Variants in SLC9A9 observed in about 807,000 individuals in gnomAD.
The protein encoded by SLC9A9 is sodium/hydrogen exchanger 9.
In SLC9A9, 62 loss-of-function variants were observed where a neutral mutation model predicts 77.8. The ratio of observed to expected loss-of-function variants is 0.80; its 90% CI spans 0.65 to 0.98. The LOEUF (loss-of-function observed/expected upper bound fraction) is 0.98. Among genes scored for constraint, SLC9A9 ranks in the 50% least tolerant of loss-of-function variants. The pLI, the probability that SLC9A9 is intolerant of heterozygous loss-of-function variation, is 0.00. For synonymous variants in SLC9A9, 320 were observed against 283.5 expected (o/e 1.13, Z -1.29); for missense variants, 775 against 774.9 (o/e 1.00, Z 0.00).
chr3:143,842,841 C>A (rs547164203), intron 1 of SLC9A9, among the ~76,000 whole-genome samples: 2 of 152,152 alleles, frequency 1.3e-5, no homozygotes, highest in Admixed American at 1.3e-4. Flanking sequence ...TCATTATAGG[C>A]TGCCATGTTC....
At chr3:143,684,375 C>T (rs1476482733) in intron 5 of SLC9A9, among the ~76,000 whole-genome samples, 2 of 151,978 alleles carry the variant, frequency 1.3e-5, no homozygotes, top group Admixed American at 6.6e-5. Context: ...TTTTTAAAAT[C>T]TGAACTTGAT....
chr3:143,498,703 A>G (rs372624402), intron 9 of SLC9A9, among the ~76,000 whole-genome samples: 2 of 152,198 alleles, frequency 1.3e-5, no homozygotes, highest in African/African-American at 4.8e-5. Flanking sequence ...ACAGCATCCC[A>G]GAATCACTCT....
At chr3:143,620,831 G>C (rs1269682480) in intron 6 of SLC9A9, among the ~76,000 whole-genome samples, 1 of 152,192 alleles carries the variant, frequency 6.6e-6, no homozygotes, top group South Asian at 2.1e-4. Context: ...GTCTCACCCA[G>C]GAAGTACAAG....
intron 2 of SLC9A9, among the ~76,000 whole-genome samples, chr3:143,803,255 C>T (rs1487404826): frequency 6.6e-6 from 1 of 152,214 alleles, no homozygotes; most frequent in African/African-American, 2.4e-5. Flanking sequence ...CCCTTAAACT[C>T]ACTTGCATTT....
intron 9 of SLC9A9, among the ~76,000 whole-genome samples, chr3:143,499,601 T>C (rs1055164135): frequency 1.5e-4 from 23 of 152,138 alleles, no homozygotes. Flanking sequence ...TTTCCAGTCA[T>C]CATACATTTT....
At chr3:143,845,060 C>G (rs552687702) in intron 1 of SLC9A9, among the ~76,000 whole-genome samples, 6 of 151,998 alleles carry the variant, frequency 3.9e-5, no homozygotes, top group African/African-American at 1.4e-4. Context: ...TATGAGGATG[C>G]ATCTAGATCC....
intron 4 of SLC9A9, among the ~76,000 whole-genome samples, chr3:143,730,233 C>T (rs2108809366): frequency 1.3e-5 from 2 of 152,232 alleles, no homozygotes; most frequent in South Asian, 4.2e-4. Flanking sequence ...GGGACTTTGG[C>T]ACGACTGTGA....
chr3:143,498,603 A>T (rs915623689), intron 9 of SLC9A9, among the ~76,000 whole-genome samples: 1 of 152,172 alleles, frequency 6.6e-6, no homozygotes, highest in Admixed American at 6.5e-5. Flanking sequence ...AAGGAAAGAA[A>T]AAAAAGAAAG....
chr3:143,802,230 G>C (rs11924528), intron 2 of SLC9A9, among the ~76,000 whole-genome samples: 24,833 of 152,092 alleles, frequency 0.16, 2,152 homozygotes, highest in South Asian at 0.29. Context: ...CCATTCTATT[G>C]TGTCATCATT....
chr3:143,712,640 C>G (rs1934229186), intron 4 of SLC9A9, among the ~76,000 whole-genome samples: 1 of 142,316 alleles, frequency 7.0e-6, no homozygotes, highest in Admixed American at 6.7e-5. Flanking sequence ...ACCAGATAAT[C>G]ACTACTGAAT....
intron 9 of SLC9A9, among the ~76,000 whole-genome samples, chr3:143,538,343 C>T (rs897539805): frequency 3.3e-5 from 5 of 152,096 alleles, no homozygotes; most frequent in Non-Finnish European, 7.4e-5. Context: ...AAAACCCAAA[C>T]AATAAATCAG....
chr3:143,663,774 G>A (rs1178951286), intron 5 of SLC9A9, among the ~76,000 whole-genome samples: 2 of 152,112 alleles, frequency 1.3e-5, no homozygotes, highest in African/African-American at 4.8e-5. Flanking sequence ...AGAAAAAAGA[G>A]TAAAAAGAAA....
At chr3:143,448,390 A>T (rs1446194833) in intron 12 of SLC9A9, among the ~76,000 whole-genome samples, 1 of 152,154 alleles carries the variant, frequency 6.6e-6, no homozygotes, top group Non-Finnish European at 1.5e-5. Context: ...AAGACAAGAA[A>T]ATTAACACAA....
chr3:143,316,577 T>C (rs1222262765), intron 14 of SLC9A9, among the ~76,000 whole-genome samples: 2 of 152,198 alleles, frequency 1.3e-5, no homozygotes, highest in African/African-American at 4.8e-5. Flanking sequence ...AGGTTGGCAC[T>C]GACAATGATG....
chr3:143,835,249 A>G (rs1019359013), intron 1 of SLC9A9, among the ~76,000 whole-genome samples: 1 of 152,216 alleles, frequency 6.6e-6, no homozygotes, highest in Non-Finnish European at 1.5e-5. Context: ...TCTTTCTAGC[A>G]TCTGCTTCTT....
At chr3:143,350,920 G>T (rs114650988) in intron 14 of SLC9A9, among the ~76,000 whole-genome samples, 1 of 152,054 alleles carries the variant, frequency 6.6e-6, no homozygotes, top group African/African-American at 2.4e-5. Context: ...AGTTCAGCTC[G>T]AATCTACCAA....
intron 14 of SLC9A9, among the ~76,000 whole-genome samples, chr3:143,275,280 C>T (rs1018397522): frequency 6.6e-6 from 1 of 152,172 alleles, no homozygotes; most frequent in Non-Finnish European, 1.5e-5. Context: ...TCACATGCTT[C>T]CCCCTGCCCC....
intron 12 of SLC9A9, among the ~76,000 whole-genome samples, chr3:143,435,680 G>A (rs1224221717): frequency 6.6e-6 from 1 of 152,096 alleles, no homozygotes; most frequent in Non-Finnish European, 1.5e-5. Context: ...GGGTGATATG[G>A]GGCCTTGGAA....
In SLC9A9 at chr3:143,683,562, G is replaced by A. The variant is rs79241811; in HGVS notation, c.649+9630C>T. ...GGGCAAAAATCGGGAAAATTTCAGT[G>A]TGGATTGGTTATTAGATAATACCAA... On this transcript the variant is annotated intron_variant, in intron 5 of 15. Transcript: ENST00000316549. 1.5e-3 allele frequency among the ~76,000 whole-genome samples: 228 copies of A among 152,258 alleles called. 4 individuals carry two copies. The highest frequency in any genetic ancestry group is 0.011 in the Admixed American group (169 of 15,272).
Sources: gnomAD v4.1 joint callset for allele counts (sites outside exome capture counted in the v4.1 genomes callset) on GRCh38, gnomAD v4.1.1 for gene constraint, MANE v1.5 for transcripts, NCBI Gene and HGNC (gene_info 2026-07-23, HGNC 2026-07-21) for gene names.